Variants in FAM227B observed in about 807,000 individuals in gnomAD.
FAM227B encodes the protein family with sequence similarity 227 member B, also known as protein FAM227B.
Under a neutral mutation model 73.8 loss-of-function variants are expected in FAM227B, and 88 were observed. That is an observed-to-expected ratio of 1.19 (90% CI 1.00 to 1.42). The LOEUF is 1.42. Among genes scored for constraint, FAM227B ranks in the 40% most tolerant of loss-of-function variants. The pLI is 0.00. For missense variants in FAM227B, 632 were observed against 590.9 expected (o/e 1.07, Z -0.72); for synonymous variants, 210 against 190.5 (o/e 1.10, Z -0.84).
At chr15:49,413,503 T>C (rs1428394013) in intron 11 of FAM227B, among the ~76,000 whole-genome samples, 2 of 152,082 alleles carry the variant, frequency 1.3e-5, no homozygotes, top group Admixed American at 1.3e-4. Context: ...GTCTCCAACA[T>C]ACATCTAACT....
intron 11 of FAM227B, among the ~76,000 whole-genome samples, chr15:49,447,957 C>T (rs1292515167): frequency 6.6e-6 from 1 of 151,682 alleles, no homozygotes; most frequent in Non-Finnish European, 1.5e-5. Context: ...TTTACTTCTG[C>T]AACCAGAGAA....
chr15:49,599,999 A>T (rs973360542), intron 3 of FAM227B, among the ~76,000 whole-genome samples: 1 of 152,148 alleles, frequency 6.6e-6, no homozygotes, highest in South Asian at 2.1e-4. Context: ...ATTTTTGAAA[A>T]TATGGCCTTA....
intron 11 of FAM227B, among the ~76,000 whole-genome samples, chr15:49,502,469 C>A (rs1433643930): frequency 6.6e-6 from 1 of 152,216 alleles, no homozygotes; most frequent in East Asian, 1.9e-4. Flanking sequence ...ACTGCTCTGC[C>A]AGGTTTGAAC....
intron 11 of FAM227B, among the ~76,000 whole-genome samples, chr15:49,468,716 A>G (rs899662023): frequency 6.6e-5 from 10 of 152,316 alleles, no homozygotes; most frequent in African/African-American, 2.4e-4. Context: ...AGTGAACTCA[A>G]TTCTTTCCTA....
chr15:49,418,991 G>T (rs947696718), intron 11 of FAM227B, among the ~76,000 whole-genome samples: 3 of 152,064 alleles, frequency 2.0e-5, no homozygotes, highest in Non-Finnish European at 4.4e-5. Context: ...TTTTATGTAT[G>T]GCCAAAGCTA....
At chr15:49,341,078 G>C (rs535388679) in intron 13 of FAM227B, among the ~76,000 whole-genome samples, 1 of 152,256 alleles carries the variant, frequency 6.6e-6, no homozygotes, top group South Asian at 2.1e-4. Flanking sequence ...AGTTATAGGT[G>C]TGTGGCTTTA....
intron 11 of FAM227B, among the ~76,000 whole-genome samples, chr15:49,386,047 A>G (rs2046865688): frequency 6.6e-6 from 1 of 151,950 alleles, no homozygotes; most frequent in East Asian, 1.9e-4. Context: ...CAAAACAATA[A>G]TAGTGGGAGA....
chr15:49,522,313 A>G (rs922263938), intron 10 of FAM227B, among the ~76,000 whole-genome samples: 1 of 152,230 alleles, frequency 6.6e-6, no homozygotes, highest in Admixed American at 6.5e-5. Context: ...TCTAAATGAT[A>G]GCAAATTTAA....
intron 9 of FAM227B, among the ~76,000 whole-genome samples, chr15:49,566,089 A>G (rs951947502): frequency 6.6e-6 from 1 of 152,224 alleles, no homozygotes. Context: ...CACTAAATAT[A>G]TAATTTTTAC....
chr15:49,563,105 CT>C (rs2074384681), intron 9 of FAM227B, among the ~76,000 whole-genome samples: 1 of 152,224 alleles, frequency 6.6e-6, no homozygotes, highest in Admixed American at 6.5e-5. Flanking sequence ...CCTAAAGACT[CT>C]GCCAAAAGGT....
At chr15:49,368,029 A>C (rs77595045) in intron 12 of FAM227B, among the ~76,000 whole-genome samples, 2 of 152,116 alleles carry the variant, frequency 1.3e-5, no homozygotes, top group Admixed American at 6.5e-5. Context: ...CATCCCAGAC[A>C]AAGTTTTTTA....
chr15:49,601,373 T>G (rs1310611528), intron 3 of FAM227B, among the ~76,000 whole-genome samples: 1 of 152,014 alleles, frequency 6.6e-6, no homozygotes, highest in Non-Finnish European at 1.5e-5. Context: ...TGATAACAAC[T>G]TCATATGTAC....
chr15:49,560,818 C>A (rs2074191426), intron 9 of FAM227B, among the ~76,000 whole-genome samples: 1 of 152,092 alleles, frequency 6.6e-6, no homozygotes, highest in Admixed American at 6.5e-5. Flanking sequence ...ATTTTTCAGA[C>A]AAGCAATCAC....
At chr15:49,494,801 T>C (rs923248813) in intron 11 of FAM227B, among the ~76,000 whole-genome samples, 1 of 152,174 alleles carries the variant, frequency 6.6e-6, no homozygotes, top group African/African-American at 2.4e-5. Flanking sequence ...TCAGTAAATA[T>C]ATTTAATACT....
At chr15:49,610,420 T>C in intron 3 of FAM227B, among the ~76,000 whole-genome samples, 1 of 119,578 alleles carries the variant, frequency 8.4e-6, no homozygotes, top group East Asian at 2.4e-4. Flanking sequence ...ACATTGAAAG[T>C]AAAAAAAAAA....
At chr15:49,595,337 GC>G in intron 3 of FAM227B, among the ~76,000 whole-genome samples, 1 of 152,014 alleles carries the variant, frequency 6.6e-6, no homozygotes, top group South Asian at 2.1e-4. Context: ...AGATCTAGGA[GC>G]TTTTCAAATT....
At chr15:49,339,622 T>A (rs1043278085) in intron 13 of FAM227B, among the ~76,000 whole-genome samples, 2 of 152,156 alleles carry the variant, frequency 1.3e-5, no homozygotes, top group African/African-American at 2.4e-5. Context: ...CTTGAGAAGG[T>A]AGGCTGTCCC....
chr15:49,376,093 G>A (rs1469835762), intron 11 of FAM227B, among the ~76,000 whole-genome samples: 1 of 151,966 alleles, frequency 6.6e-6, no homozygotes, highest in Non-Finnish European at 1.5e-5. Flanking sequence ...TAAAAGAGAA[G>A]GCCAGGAAAA....
intron 12 of FAM227B, among the ~76,000 whole-genome samples, chr15:49,369,392 G>T (rs1396643979): frequency 6.6e-6 from 1 of 152,064 alleles, no homozygotes; most frequent in Non-Finnish European, 1.5e-5. Flanking sequence ...GCAGAAATTT[G>T]TCAGAGCACT....
Sources: gnomAD v4.1 joint callset for allele counts (sites outside exome capture counted in the v4.1 genomes callset) on GRCh38, gnomAD v4.1.1 for gene constraint, MANE v1.5 for transcripts, NCBI Gene and HGNC (gene_info 2026-07-23, HGNC 2026-07-21) for gene names.